The following GALNT10 variants were observed in gnomAD, a reference collection of about 807,000 sequenced individuals.
The protein encoded by GALNT10 is GalNAc transferase 10.
Under a neutral mutation model 75.0 loss-of-function variants are expected in GALNT10, and 41 were observed. The ratio of observed to expected loss-of-function variants is 0.55; its 90% confidence interval spans 0.43 to 0.71. The LOEUF (loss-of-function observed/expected upper bound fraction) is 0.71, where lower values mean the gene tolerates loss of function less well. Among genes scored for constraint, GALNT10 ranks in the 30% least tolerant of loss-of-function variants. The pLI is 0.00. For synonymous variants in GALNT10, 302 were observed against 313.0 expected (o/e 0.96, Z 0.37); for missense variants, 727 against 818.5 (o/e 0.89, Z 1.36).
chr5:154,314,713 G>A (rs1754572415), intron 3 of GALNT10, among the ~76,000 whole-genome samples: 1 of 151,526 alleles, frequency 6.6e-6, no homozygotes, highest in African/African-American at 2.4e-5. Context: ...GCTTGGCAAA[G>A]GGGGGTATGT....
At chr5:154,330,666 TG>T (rs1419810737) in intron 4 of GALNT10, among the ~76,000 whole-genome samples, 1 of 152,194 alleles carries the variant, frequency 6.6e-6, no homozygotes, top group Non-Finnish European at 1.5e-5. Flanking sequence ...CTTCAGCCAG[TG>T]GCCTCAAGCT....
intron 7 of GALNT10, chr5:154,393,055 C>CAAAAAA (rs1755935032): frequency 7.7e-5 from 1 of 12,944 alleles, no homozygotes; most frequent in Non-Finnish European, 1.4e-4. Flanking sequence ...TGGAGGTCTC[C>CAAAAAA]ACAAAAAAAA....
At chr5:154,329,319 T>G in intron 3 of GALNT10, 3 of 460,318 alleles carry the variant, frequency 6.5e-6, no homozygotes, top group Admixed American at 3.2e-5. Context: ...GTCCTCCACA[T>G]GAAATCACAA....
intron 4 of GALNT10, among the ~76,000 whole-genome samples, chr5:154,367,867 A>T (rs189678168): frequency 1.2e-3 from 189 of 152,170 alleles, no homozygotes; most frequent in African/African-American, 4.5e-3. Context: ...CAAAAAAAAA[A>T]AAAAAGAGAG....
At position 154,207,924 on chromosome 5, in the gene GALNT10, A is replaced by G. The variant is rs549794174; in HGVS notation, c.159+16899A>G. ...GTTGGGTGACCAGATTTGCTTTCGT[A>G]TGGGTCCTGGAGTTCAATAGTTGAA... On this transcript the variant is annotated intron_variant, in intron 1 of 11. Coordinates refer to ENST00000297107, the MANE Select transcript of GALNT10 (RefSeq NM_198321.4). Among the ~76,000 whole-genome samples, 158 of 152,186 alleles carry G rather than the reference A, an allele frequency of 1.0e-3. No homozygotes were observed. The South Asian group carries it at 0.021, about 20-fold the overall frequency.
At chr5:154,323,131 T>C (rs1199307077) in intron 3 of GALNT10, among the ~76,000 whole-genome samples, 1 of 152,222 alleles carries the variant, frequency 6.6e-6, no homozygotes, top group East Asian at 1.9e-4. Context: ...GGCCAGATAG[T>C]AAATGTTACG....
chr5:154,206,270 C>A (rs950290602), intron 1 of GALNT10, among the ~76,000 whole-genome samples: 1 of 152,172 alleles, frequency 6.6e-6, no homozygotes, highest in Admixed American at 6.5e-5. Flanking sequence ...GAGCCATTAG[C>A]CTTGAATCCC....
At chr5:154,306,864 A>C (rs1283079413) in intron 3 of GALNT10, among the ~76,000 whole-genome samples, 2 of 152,228 alleles carry the variant, frequency 1.3e-5, no homozygotes, top group Non-Finnish European at 2.9e-5. Flanking sequence ...GTAGACTCTC[A>C]CAGCACTGTC....
At chr5:154,250,715 T>G (rs1753504226) in intron 1 of GALNT10, among the ~76,000 whole-genome samples, 1 of 152,194 alleles carries the variant, frequency 6.6e-6, no homozygotes, top group South Asian at 2.1e-4. Context: ...CAATCCTTGT[T>G]GAGAAACATT....
chr5:154,267,389 C>T (rs1207602939), intron 1 of GALNT10, among the ~76,000 whole-genome samples: 2 of 152,170 alleles, frequency 1.3e-5, no homozygotes, highest in Non-Finnish European at 2.9e-5. Context: ...GAATTGAATT[C>T]GGTGATCTGC....
At chr5:154,380,317 C>T in intron 5 of GALNT10, 131 bp from the exon 6 acceptor site, 3 of 743,756 alleles carry the variant, frequency 4.0e-6, no homozygotes, top group Non-Finnish European at 6.8e-6. Context: ...TGCAGTCTCC[C>T]TTCCCCTCCA....
chr5:154,386,723 A>T, intron 7 of GALNT10: 5 of 552,898 alleles, frequency 9.0e-6, no homozygotes, highest in Non-Finnish European at 1.6e-5. Flanking sequence ...TCTTGCTTCT[A>T]CTCAGATGGC....
chr5:154,389,803 AT>A (rs904513817), intron 7 of GALNT10, among the ~76,000 whole-genome samples: 1 of 152,118 alleles, frequency 6.6e-6, no homozygotes, highest in African/African-American at 2.4e-5. Context: ...TAAATATCAT[AT>A]TTTTTCCAGT....
intron 4 of GALNT10, among the ~76,000 whole-genome samples, chr5:154,339,770 A>G (rs1755002478): frequency 6.6e-6 from 1 of 152,116 alleles, no homozygotes; most frequent in South Asian, 2.1e-4. Flanking sequence ...TATTCTCCTG[A>G]TTTTCTTATG....
intron 4 of GALNT10, among the ~76,000 whole-genome samples, chr5:154,342,235 A>G (rs903538218): frequency 1.3e-5 from 2 of 152,236 alleles, no homozygotes; most frequent in African/African-American, 4.8e-5. Context: ...CGATGCAATG[A>G]GGACGTACAA....
chr5:154,270,984 T>C (rs1753852414), intron 1 of GALNT10, among the ~76,000 whole-genome samples: 1 of 113,736 alleles, frequency 8.8e-6, no homozygotes, highest in African/African-American at 3.6e-5. Flanking sequence ...ACAGCAAGAT[T>C]CCATCTCAAA....
chr5:154,308,268 G>A (rs1754464465), intron 3 of GALNT10, among the ~76,000 whole-genome samples: 1 of 152,058 alleles, frequency 6.6e-6, no homozygotes, highest in Non-Finnish European at 1.5e-5. Flanking sequence ...GAATCAGAAG[G>A]AGGGAGTGGA....
chr5:154,369,159 G>A (rs192867891), intron 4 of GALNT10, among the ~76,000 whole-genome samples: 4 of 152,294 alleles, frequency 2.6e-5, no homozygotes, highest in Non-Finnish European at 2.9e-5. Context: ...AGGCCGAAGT[G>A]GGTGGATCAC....
At chr5:154,292,221 T>C (rs1298281673) in intron 1 of GALNT10, among the ~76,000 whole-genome samples, 2 of 152,166 alleles carry the variant, frequency 1.3e-5, no homozygotes, top group African/African-American at 4.8e-5. Flanking sequence ...TTCTCAAACC[T>C]CAGCGTGTAT....
Sources: gnomAD v4.1 joint callset for allele counts (sites outside exome capture counted in the v4.1 genomes callset) on GRCh38, gnomAD v4.1.1 for gene constraint, MANE v1.5 for transcripts, NCBI Gene and HGNC (gene_info 2026-07-23, HGNC 2026-07-21) for gene names.